The following ALK variants were observed in gnomAD, a reference collection of about 807,000 sequenced individuals.
ALK encodes the protein ALK tyrosine kinase receptor.
In ALK, 74 loss-of-function variants were observed where a neutral mutation model predicts 163.1. The ratio of observed to expected loss-of-function variants is 0.45; its 90% CI spans 0.38 to 0.55. The LOEUF is 0.55. Among genes scored for constraint, ALK ranks in the 20% least tolerant of loss-of-function variants. The pLI, the probability that ALK is intolerant of heterozygous loss-of-function variation, is 0.00. For synonymous variants in ALK, 960 were observed against 843.2 expected (o/e 1.14, Z -2.40); for missense variants, 2,063 against 2,105.3 (o/e 0.98, Z 0.39).
At chr2:29,772,394 C>A (rs1681052282) in intron 1 of ALK, among the ~76,000 whole-genome samples, 2 of 152,058 alleles carry the variant, frequency 1.3e-5, no homozygotes, top group South Asian at 4.1e-4. Flanking sequence ...ATAATATAAA[C>A]ACTGAATATT....
intron 3 of ALK, among the ~76,000 whole-genome samples, chr2:29,564,512 C>T (rs1216503441): frequency 2.0e-5 from 3 of 151,802 alleles, no homozygotes; most frequent in East Asian, 1.9e-4. Context: ...AAAACGCCAT[C>T]TCCTAGAAGA....
At chr2:29,809,432 A>C (rs770329959) in intron 1 of ALK, among the ~76,000 whole-genome samples, 1 of 152,228 alleles carries the variant, frequency 6.6e-6, no homozygotes, top group Non-Finnish European at 1.5e-5. Context: ...TACTGGAACA[A>C]AGGAGGATGT....
intron 4 of ALK, among the ~76,000 whole-genome samples, chr2:29,501,363 A>G (rs1347185708): frequency 2.0e-5 from 3 of 152,184 alleles, no homozygotes; most frequent in Non-Finnish European, 4.4e-5. Flanking sequence ...GTTACCTCTT[A>G]CTTGTCAAAG....
chr2:29,825,557 G>C (rs1304523019), intron 1 of ALK, among the ~76,000 whole-genome samples: 4 of 152,240 alleles, frequency 2.6e-5, no homozygotes, highest in African/African-American at 7.2e-5. Context: ...ATACTGGCAG[G>C]TGAAGCTGGA....
intron 4 of ALK, among the ~76,000 whole-genome samples, chr2:29,515,847 C>G (rs1226610355): frequency 1.3e-5 from 2 of 152,196 alleles, no homozygotes; most frequent in African/African-American, 2.4e-5. Context: ...GTATAGGCAT[C>G]AAAAGGCACA....
At chr2:29,905,741 G>T (rs1241639207) in intron 1 of ALK, among the ~76,000 whole-genome samples, 1 of 152,148 alleles carries the variant, frequency 6.6e-6, no homozygotes, top group East Asian at 1.9e-4. Context: ...CCCCTTGGCT[G>T]CATTTGTCAA....
intron 5 of ALK, among the ~76,000 whole-genome samples, chr2:29,373,137 C>A (rs1174489528): frequency 1.3e-5 from 2 of 152,096 alleles, no homozygotes; most frequent in African/African-American, 4.8e-5. Context: ...AGTCCCATTA[C>A]CCAAAACAAT....
At chr2:29,789,015 C>CTGTGTGTG (rs57619106) in intron 1 of ALK, among the ~76,000 whole-genome samples, 12,412 of 125,276 alleles carry the variant, frequency 0.099, 1,025 homozygotes, top group African/African-American at 0.18. Context: ...TCCTGGTACA[C>CTGTGTGTG]TGTGTGTGTG....
chr2:29,801,875 C>G (rs1664475064), intron 1 of ALK, among the ~76,000 whole-genome samples: 1 of 152,136 alleles, frequency 6.6e-6, no homozygotes, highest in African/African-American at 2.4e-5. Flanking sequence ...TGTCAGTATT[C>G]TTTCTACTAC....
chr2:29,920,237 C>T lies in ALK; in HGVS notation c.423G>A (p.Leu141=). ...SVRKLRRAKQ[L]VLELGEEAIL... ...TCGCCTCCTCGCCCAGCTCCAGCAC[C>T]AACTGCTTGGCACGCCGGAGCTTGC... Residue 141 remains leucine, a synonymous_variant, in exon 1 of 29, where the codon TTG becomes TTA. Coordinates refer to ENST00000389048, the MANE Select transcript of ALK (RefSeq NM_004304.5). 6.2e-7 allele frequency: 1 copy of T among 1,611,028 alleles called. No homozygotes were observed. The highest frequency in any genetic ancestry group is 8.5e-7 in the Non-Finnish European group (1 of 1,179,154).
chr2:29,355,395 A>G (rs1573274257), intron 5 of ALK, among the ~76,000 whole-genome samples: 2 of 152,068 alleles, frequency 1.3e-5, no homozygotes, highest in Admixed American at 1.3e-4. Flanking sequence ...ACTTTCTACG[A>G]GGGTAATTCC....
At chr2:29,487,593 T>C (rs75395044) in intron 4 of ALK, among the ~76,000 whole-genome samples, 1 of 152,190 alleles carries the variant, frequency 6.6e-6, no homozygotes, top group Non-Finnish European at 1.5e-5. Flanking sequence ...CTGAGTGACT[T>C]TGAGCAACTC....
intron 3 of ALK, among the ~76,000 whole-genome samples, chr2:29,638,696 C>A (rs887558881): frequency 1.3e-5 from 2 of 152,136 alleles, no homozygotes; most frequent in Admixed American, 6.5e-5. Flanking sequence ...TCTTGCCCTA[C>A]AGTTTCTCTG....
chr2:29,391,507 G>A (rs143618939), intron 4 of ALK, among the ~76,000 whole-genome samples: 1 of 152,120 alleles, frequency 6.6e-6, no homozygotes, highest in Non-Finnish European at 1.5e-5. Context: ...CCCCGTGTTG[G>A]CCAGGTTGGT....
chr2:29,201,223 T>C (rs4666177), intron 26 of ALK, among the ~76,000 whole-genome samples: 43,106 of 151,900 alleles, frequency 0.28, 7,275 homozygotes, highest in East Asian at 0.74. Flanking sequence ...CACCAAGATC[T>C]CATACAGTTC....
intron 2 of ALK, among the ~76,000 whole-genome samples, chr2:29,716,408 T>A (rs774301423): frequency 6.6e-6 from 1 of 152,244 alleles, no homozygotes; most frequent in African/African-American, 2.4e-5. Context: ...GTGTTCACCC[T>A]AGAGGAGTTC....
At chr2:29,624,147 T>A (rs1341724531) in intron 3 of ALK, among the ~76,000 whole-genome samples, 2 of 23,038 alleles carry the variant, frequency 8.7e-5, no homozygotes, top group African/African-American at 1.7e-4. Flanking sequence ...ATGCCTTTCC[T>A]TTGCTCAAAC....
intron 1 of ALK, among the ~76,000 whole-genome samples, chr2:29,735,296 G>C (rs927979696): frequency 9.9e-5 from 15 of 152,050 alleles, no homozygotes; most frequent in African/African-American, 3.1e-4. Context: ...GTATTTAAGA[G>C]TGTTGATACT....
chr2:29,616,293 A>G (rs1206786069), intron 3 of ALK, among the ~76,000 whole-genome samples: 1 of 152,190 alleles, frequency 6.6e-6, no homozygotes, highest in Non-Finnish European at 1.5e-5. Flanking sequence ...GACAGCCTGG[A>G]AAGATGGGGA....
Sources: gnomAD v4.1 joint callset for allele counts (sites outside exome capture counted in the v4.1 genomes callset) on GRCh38, gnomAD v4.1.1 for gene constraint, MANE v1.5 for transcripts, NCBI Gene and HGNC (gene_info 2026-07-23, HGNC 2026-07-21) for gene names.